NOP14: variants seen among roughly 807,000 people sequenced by gnomAD.
NOP14 encodes the protein NOP14 nucleolar protein.
NOP14 carries 57 observed loss-of-function variants against 101.6 expected under a neutral mutation model. The ratio of observed to expected loss-of-function variants is 0.56; its 90% confidence interval spans 0.45 to 0.70. NOP14 has a LOEUF of 0.70. NOP14 is among the 30% of genes least tolerant of loss of function. The pLI, the probability that NOP14 is intolerant of heterozygous loss-of-function variation, is 0.00. For missense variants in NOP14, 1,134 were observed against 1,075.5 expected (o/e 1.05, Z -0.76); for synonymous variants, 428 against 424.0 (o/e 1.01, Z -0.12).
chr4:2,951,054 A>G (rs1456480820), intron 7 of NOP14, 60 bp downstream of exon 7: 1 of 1,494,320 alleles, frequency 6.7e-7, no homozygotes, highest in African/African-American at 1.4e-5. Flanking sequence ...ATGAATACCA[A>G]AAAAATGTTT....
In NOP14 at chr4:2,938,809, T is replaced by C; in HGVS notation, c.*22A>G. 1.3e-6 allele frequency: 2 copies of C among 1,589,896 alleles called. No individual in the cohort carries two copies. The highest frequency in any genetic ancestry group is 1.7e-6 in the Non-Finnish European group (2 of 1,158,740). On this transcript the variant is annotated 3_prime_UTR_variant, in exon 18 of 18. Coordinates refer to ENST00000416614, the MANE Select transcript of NOP14 (RefSeq NM_001291978.2). Reference sequence around the variant, plus strand: ...AGATGTGAGGTAATGTCCAGTTCCTTGCCTTATTTATAAAATGTAATTTAT... The same window carrying C: ...AGATGTGAGGTAATGTCCAGTTCCTCGCCTTATTTATAAAATGTAATTTAT...
At position 2,942,029 on chromosome 4, in the gene NOP14, G is replaced by C. The variant is rs147099050; in HGVS notation, c.2051+163C>G. On this transcript the variant is annotated intron_variant, in intron 14 of 17. Coordinates refer to ENST00000416614, the MANE Select transcript of NOP14 (RefSeq NM_001291978.2). ...GTATTTTGAAAATGAAAAGAAAAAG[G>C]GACAGCAAGCCAACATGCCTCAGAA... The C allele has an allele frequency of 2.6e-3, 1,843 of 695,696 alleles. 2 individuals are homozygous for C. The highest frequency in any genetic ancestry group is 3.9e-3 in the Non-Finnish European group (1,602 of 412,864). 43.1% of individuals were successfully genotyped at this position (695,696 alleles called of 1,614,324 possible).
Position 2,938,937 on chromosome 4 carries a change from G to T in NOP14, c.2475-7C>A. 5 of 1,612,604 alleles carry T rather than the reference G, an allele frequency of 3.1e-6. No homozygotes were observed. The highest frequency in any genetic ancestry group is 4.2e-6 in the Non-Finnish European group (5 of 1,178,720). Reference sequence around the variant, plus strand: ...CCGCTTTCTTTCCGCATCCCTAAAAGAAACAAAAGGCAAATGCCCATTTTT... The same window carrying T: ...CCGCTTTCTTTCCGCATCCCTAAAATAAACAAAAGGCAAATGCCCATTTTT... On this transcript the variant is annotated splice_polypyrimidine_tract_variant and splice_region_variant and intron_variant, in intron 17 of 17. Transcript: ENST00000416614.
intron 1 of NOP14, among the ~76,000 whole-genome samples, chr4:2,959,271 C>T (rs1404448749): frequency 2.6e-5 from 4 of 152,162 alleles, no homozygotes; most frequent in Admixed American, 6.5e-5. Flanking sequence ...AACTTCCTAC[C>T]GTGGCAGTGC....
intron 13 of NOP14, among the ~76,000 whole-genome samples, chr4:2,943,327 A>G (rs1254451616): frequency 6.6e-6 from 1 of 152,234 alleles, no homozygotes; most frequent in Non-Finnish European, 1.5e-5. Context: ...TGAGCTGGAA[A>G]TAGAGGACAG....
chr4:2,960,664 ATT>A (rs1715672897), intron 1 of NOP14, among the ~76,000 whole-genome samples: 7 of 140,860 alleles, frequency 5.0e-5, no homozygotes, highest in African/African-American at 1.6e-4. Flanking sequence ...ACTATATATT[ATT>A]ATATTAATAT....
In NOP14 at chr4:2,947,624, G is replaced by C; in HGVS notation, c.1414-13C>G. 1 of 1,609,580 alleles carries C rather than the reference G, an allele frequency of 6.2e-7. No individual in the cohort carries two copies. The highest frequency in any genetic ancestry group is 8.5e-7 in the Non-Finnish European group (1 of 1,176,058). On this transcript the variant is annotated splice_polypyrimidine_tract_variant and intron_variant, in intron 9 of 17. Transcript: ENST00000416614. ...AGCCAAACAGTTTCTGCAGGAACAT[G>C]AATTGGGAAATAAAGCTCAGTGCTC...
At position 2,950,129 on chromosome 4, in the gene NOP14, C is replaced by T. The variant is rs1308301414; in HGVS notation, c.1087G>A (p.Asp363Asn). 2.5e-6 allele frequency: 4 copies of T among 1,614,094 alleles called. No individual in the cohort carries two copies. In the Admixed American group the frequency reaches 5.0e-5, roughly 20 times the overall value. The stretch of plus-strand genomic sequence containing the variant: ...TCTGTGTCCTCCCCGCCTGAACTGT[C>T]ACCTTCTTCCTCGTTGCTCTCAGGG... ...SDPESNEEEG[D>N]SSGGEDTEES... is the part of the protein sequence containing the mutation. The change falls in exon 8 of 18, where the codon GAC becomes AAC. Residue 363 changes from aspartate to asparagine, a missense_variant. Physicochemically the swap from Asp to Asn is conservative, Grantham distance 23. Transcript: ENST00000416614.
chr4:2,949,902 C>T, intron 8 of NOP14, 32 bp downstream of exon 8: 2 of 1,612,864 alleles, frequency 1.2e-6, no homozygotes, highest in Non-Finnish European at 1.7e-6. Flanking sequence ...AAGGTTATCC[C>T]AGAACCTGAG....
chr4:2,961,096 T>C (rs1379800063), intron 1 of NOP14, among the ~76,000 whole-genome samples: 1 of 38,726 alleles, frequency 2.6e-5, no homozygotes, highest in African/African-American at 2.3e-4. Context: ...TATAATAATA[T>C]ATTAATATTT....
Position 2,938,387 on chromosome 4 carries a change from G to A in NOP14, c.*444C>T, listed in dbSNP as rs1713830773. 1 of 395,742 alleles carries A rather than the reference G, an allele frequency of 2.5e-6. No homozygotes were observed. The highest frequency in any genetic ancestry group is 4.9e-6 in the Non-Finnish European group (1 of 203,868). 24.5% of individuals were successfully genotyped at this position (395,742 alleles called of 1,614,324 possible). A position where few individuals can be genotyped will look rare whatever the true frequency, so the allele number is the denominator to read the frequency against. On this transcript the variant is annotated 3_prime_UTR_variant, in exon 18 of 18. Coordinates refer to ENST00000416614, the MANE Select transcript of NOP14 (RefSeq NM_001291978.2). Reference sequence around the variant, plus strand: ...AATACAAAATTAGCTGGGCGTGGTGGCACATGTCTGTAATCCCAGCTACTC... The same window carrying A: ...AATACAAAATTAGCTGGGCGTGGTGACACATGTCTGTAATCCCAGCTACTC...
intron 16 of NOP14, 89 bp from the exon 17 acceptor site, chr4:2,939,432 G>A (rs1713961341): frequency 1.9e-6 from 3 of 1,600,860 alleles, no homozygotes; most frequent in Non-Finnish European, 8.6e-7. Flanking sequence ...TCACTCCGTA[G>A]TCATCTGCTC....
At chr4:2,954,316 T>G in intron 4 of NOP14, 108 bp downstream of exon 4, 5 of 1,282,320 alleles carry the variant, frequency 3.9e-6, no homozygotes, top group Non-Finnish European at 5.4e-6. Context: ...TGAACTCATA[T>G]AAAATATTAA....
At chr4:2,961,315 G>GTTAGTATATATTAATATATAGT (rs1361960929) in intron 1 of NOP14, 1 of 4,752 alleles carries the variant, frequency 2.1e-4, no homozygotes, top group African/African-American at 6.2e-4. Context: ...ACTGATTTAA[G>GTTAGTATATATTAATATATAGT]AACTACATTA....
Position 2,947,917 on chromosome 4 carries a change from T to C in NOP14, c.1414-306A>G, listed in dbSNP as rs112586338. Among the ~76,000 whole-genome samples the C allele has an allele frequency of 6.2e-4, 94 of 152,300 alleles. 1 individual carries two copies. The highest frequency in any genetic ancestry group is 2.0e-3 in the African/African-American group (83 of 41,566). ...AGCACGGCGTCCTCCTCACAGGCAA[T>C]ATCCACCATTCACTGAAAGAGGCAC... is the stretch of plus-strand genomic sequence containing the variant. On this transcript the variant is annotated intron_variant, in intron 9 of 17. Coordinates refer to ENST00000416614, the MANE Select transcript of NOP14 (RefSeq NM_001291978.2).
At position 2,938,574 on chromosome 4, in the gene NOP14, T is replaced by C; in HGVS notation, c.*257A>G. ...CCGAGGCTGGAGTGCAGTGGCTCAATCACGGCTCACTGTAACCTTGGACTC... is the reference window on the plus strand; with the variant it reads ...CCGAGGCTGGAGTGCAGTGGCTCAACCACGGCTCACTGTAACCTTGGACTC... On this transcript the variant is annotated 3_prime_UTR_variant, in exon 18 of 18. Coordinates refer to ENST00000416614, the MANE Select transcript of NOP14 (RefSeq NM_001291978.2). The C allele has an allele frequency of 2.0e-6, 1 of 496,436 alleles. No individual in the cohort carries two copies. The allele number at this position is 496,436 out of a possible 1,614,324, so 30.8% of individuals were successfully genotyped here.
intron 15 of NOP14, among the ~76,000 whole-genome samples, chr4:2,939,949 C>T (rs539055440): frequency 1.3e-5 from 2 of 152,232 alleles, no homozygotes; most frequent in Non-Finnish European, 2.9e-5. Flanking sequence ...GTCACCATAG[C>T]CTGTGCTCCT....
In NOP14 at chr4:2,938,102, G is replaced by T; in HGVS notation, c.*729C>A. On this transcript the variant is annotated 3_prime_UTR_variant, in exon 18 of 18. Transcript: ENST00000416614. ...AGCTGATAACACACAGACCATTCCC[G>T]ATCCCAGAGGTGCATTTCAGGATTC... is the stretch of plus-strand genomic sequence containing the variant. 1 of 955,488 alleles carries T rather than the reference G, an allele frequency of 1.0e-6. No individual in the cohort carries two copies. Among genetic ancestry groups the T allele is most frequent in the Non-Finnish European group, 1.4e-6 (1 of 704,636 alleles). The allele number at this position is 955,488 out of a possible 1,614,324, so 59.2% of individuals were successfully genotyped here.
At chr4:2,949,267 A>C (rs1714857454) in intron 8 of NOP14, among the ~76,000 whole-genome samples, 1 of 152,124 alleles carries the variant, frequency 6.6e-6, no homozygotes, top group Non-Finnish European at 1.5e-5. Flanking sequence ...GCAGTGGTGT[A>C]ATCTCGGCTC....
Sources: gnomAD v4.1 joint callset for allele counts (sites outside exome capture counted in the v4.1 genomes callset) on GRCh38, gnomAD v4.1.1 for gene constraint, MANE v1.5 for transcripts, NCBI Gene and HGNC (gene_info 2026-07-23, HGNC 2026-07-21) for gene names.